The following EIF2AK3 variants were observed in gnomAD, a reference collection of about 807,000 sequenced individuals.
EIF2AK3 encodes the protein eukaryotic translation initiation factor 2-alpha kinase 3.
A neutral mutation model predicts 113.5 loss-of-function variants in EIF2AK3; 50 were observed. The observed-to-expected ratio is 0.44, with a 90% confidence interval of 0.35 to 0.56. The LOEUF is 0.56. EIF2AK3 is among the 20% of genes least tolerant of loss of function. The probability of loss-of-function intolerance (pLI) is 0.00; values close to 1 mark genes in which losing one functional copy is unlikely to be tolerated. For missense variants in EIF2AK3, 1,185 were observed against 1,378.0 expected (o/e 0.86, Z 2.22); for synonymous variants, 448 against 495.4 (o/e 0.90, Z 1.27).
At chr2:88,584,580 T>C (rs1674674315) in intron 9 of EIF2AK3, among the ~76,000 whole-genome samples, 1 of 147,072 alleles carries the variant, frequency 6.8e-6, no homozygotes, top group South Asian at 2.2e-4. Flanking sequence ...AGAGAGAAAT[T>C]AGGAATTACC....
upstream of EIF2AK3, chr2:88,627,992 A>T (rs892331697): frequency 1.3e-5 from 2 of 152,400 alleles, no homozygotes; most frequent in African/African-American, 4.8e-5. Context: ...AGCCTAGTCT[A>T]CTTAGGAAGG....
At chr2:88,565,780 T>C (rs560047038) in intron 14 of EIF2AK3, among the ~76,000 whole-genome samples, 11 of 152,378 alleles carry the variant, frequency 7.2e-5, no homozygotes, top group African/African-American at 2.6e-4. Flanking sequence ...CTAGTCTTTT[T>C]TCCTATAGAT....
chr2:88,627,006 G>T lies in EIF2AK3; in HGVS notation c.269C>A (p.Pro90Gln). 6.2e-7 allele frequency: 1 copy of T among 1,608,426 alleles called. No homozygotes were observed. The highest frequency in any genetic ancestry group is 8.5e-7 in the Non-Finnish European group (1 of 1,178,934). The change falls in exon 1 of 17, where the codon CCG (proline) becomes CAG (glutamine). Residue 90 changes from proline (P) to glutamine (Q), a missense_variant. Physicochemically the swap from Pro to Gln is moderately conservative, Grantham distance 76. Coordinates refer to ENST00000303236, the MANE Select transcript of EIF2AK3 (RefSeq NM_004836.7). Reference protein sequence around the residue: ...AAAGEQEPRGPEPDDETELRP... With the variant: ...AAAGEQEPRGQEPDDETELRP... ...CAACTCTGTCTCATCGTCTGGTTCC[G>T]GACCCCGAGGCTCCTGCTCTCCCGC...
At chr2:88,565,708 AT>A (rs1375603106) in intron 14 of EIF2AK3, among the ~76,000 whole-genome samples, 1 of 152,236 alleles carries the variant, frequency 6.6e-6, no homozygotes, top group East Asian at 1.9e-4. Context: ...TCCAAAATAG[AT>A]TAAAATTCAT....
chr2:88,559,542 G>GTGTA (rs373719647), intron 15 of EIF2AK3, among the ~76,000 whole-genome samples: 38 of 150,206 alleles, frequency 2.5e-4, no homozygotes, highest in South Asian at 1.1e-3. Context: ...GTGTGTGTGT[G>GTGTA]TATGTACATT....
intron 14 of EIF2AK3, 105 bp from the exon 15 acceptor site, chr2:88,562,495 A>G (rs1673992098): frequency 1.1e-6 from 1 of 903,344 alleles, no homozygotes. Context: ...TCTTGGTTTA[A>G]ATGCAAGTAC....
At position 88,627,164 on chromosome 2, in the gene EIF2AK3, T is replaced by C. The variant is rs1675887315; in HGVS notation, c.111A>G (p.Pro37=). The change falls in exon 1 of 17, where the codon CCA becomes CCG. Residue 37 remains proline, a synonymous_variant. Coordinates refer to ENST00000303236, the MANE Select transcript of EIF2AK3 (RefSeq NM_004836.7). ...TVAAGRARGL[P]APTAEAAFGL... Reference sequence around the variant, plus strand: ...CGAACGCCGCCTCCGCCGTCGGCGCTGGGAGGCCACGGGCGCGCCCCGCGG... The same window carrying C: ...CGAACGCCGCCTCCGCCGTCGGCGCCGGGAGGCCACGGGCGCGCCCCGCGG... 1 of 1,441,558 alleles carries C rather than the reference T, an allele frequency of 6.9e-7. No individual in the cohort carries two copies. Among genetic ancestry groups the C allele is most frequent in the African/African-American group, 1.5e-5 (1 of 67,098 alleles). The allele number at this position is 1,441,558 out of a possible 1,614,324, so 89.3% of individuals were successfully genotyped here.
At position 88,627,181 on chromosome 2, in the gene EIF2AK3, G is replaced by T; in HGVS notation, c.94C>A (p.Arg32Ser). 4 of 1,444,648 alleles carry T rather than the reference G, an allele frequency of 2.8e-6. No homozygotes were observed. Among genetic ancestry groups the T allele is most frequent in the Non-Finnish European group, 2.7e-6 (3 of 1,103,540 alleles). The allele number at this position is 1,444,648 out of a possible 1,614,324, so 89.5% of individuals were successfully genotyped here. The change falls in exon 1 of 17, where the codon CGC (arginine) becomes AGC (serine). Residue 32 changes from arginine to serine, a missense_variant. Transcript: ENST00000303236. ...GLAARTVAAGRARGLPAPTAE... is the reference protein window; with the variant it reads ...GLAARTVAAGSARGLPAPTAE... ...GTCGGCGCTGGGAGGCCACGGGCGC[G>T]CCCCGCGGCCACCGTCCTTGCCGCG...
At chr2:88,626,476 TC>T (rs1243085820) in intron 1 of EIF2AK3, among the ~76,000 whole-genome samples, 4 of 152,218 alleles carry the variant, frequency 2.6e-5, no homozygotes, top group African/African-American at 7.2e-5. Flanking sequence ...ATGCAGGTGT[TC>T]CGCAGATCTC....
chr2:88,575,710 A>G (rs1359769729), intron 12 of EIF2AK3: 1 of 467,928 alleles, frequency 2.1e-6, no homozygotes, highest in African/African-American at 2.0e-5. Context: ...CAGAGCAGCC[A>G]AAGCCTTTTA....
At chr2:88,608,634 G>A (rs902733349) in intron 2 of EIF2AK3, among the ~76,000 whole-genome samples, 1 of 150,550 alleles carries the variant, frequency 6.6e-6, no homozygotes, top group Non-Finnish European at 1.5e-5. Context: ...TGCACCAGAT[G>A]CATTTTGAAG....
intron 6 of EIF2AK3, among the ~76,000 whole-genome samples, chr2:88,589,388 T>C (rs1158413172): frequency 2.0e-5 from 3 of 152,144 alleles, no homozygotes; most frequent in Non-Finnish European, 4.4e-5. Context: ...TTTATGAGTA[T>C]TTGATGATGC....
At chr2:88,564,043 A>G (rs1674036563) in intron 14 of EIF2AK3, among the ~76,000 whole-genome samples, 1 of 152,216 alleles carries the variant, frequency 6.6e-6, no homozygotes, top group South Asian at 2.1e-4. Flanking sequence ...AAAGAAATGT[A>G]GCCTCATGAA....
At chr2:88,616,602 T>G (rs578224924) in intron 1 of EIF2AK3, among the ~76,000 whole-genome samples, 1 of 152,088 alleles carries the variant, frequency 6.6e-6, no homozygotes, top group South Asian at 2.1e-4. Flanking sequence ...AATTTTTATA[T>G]TTTTAGTAGA....
rs1293112255 is a variant in EIF2AK3 at position 88,610,768 on chromosome 2, T to G, written c.438+2956A>C. ...ATAAAATACATGTTTTTTAAACATT[T>G]GTTTTAGGCTGGTCGTGGTGGCTTA... On this transcript the variant is annotated intron_variant, in intron 2 of 16. Transcript: ENST00000303236. 2.0e-5 allele frequency among the ~76,000 whole-genome samples: 3 copies of G among 152,322 alleles called. No individual in the cohort carries two copies. In the East Asian group the frequency reaches 5.8e-4, roughly 29 times the overall value.
At position 88,557,789 on chromosome 2, in the gene EIF2AK3, T is replaced by C; in HGVS notation, c.3298A>G (p.Thr1100Ala). 6.2e-7 allele frequency: 1 copy of C among 1,614,184 alleles called. No individual in the cohort carries two copies. Among genetic ancestry groups the C allele is most frequent in the Non-Finnish European group, 8.5e-7 (1 of 1,179,996 alleles). Residue 1100 changes from threonine to alanine, a missense_variant, in exon 17 of 17, where the codon ACA becomes GCA. By Grantham distance (58) the Thr-to-Ala change is moderately conservative. Transcript: ENST00000303236. ...TTGTTGGACTGTCTTGAATGTTTTG[T>C]TCCCGATGAACTCAAGGAGCGAGAC... The part of the protein sequence containing the change: ...QRSRSLSSSG[T>A]KHSRQSNNSH...
chr2:88,599,630 T>C (rs1333077095), intron 2 of EIF2AK3, among the ~76,000 whole-genome samples: 1 of 151,978 alleles, frequency 6.6e-6, no homozygotes, highest in African/African-American at 2.4e-5. Flanking sequence ...ATCTCAACAG[T>C]AGTATTAGGT....
chr2:88,622,475 C>A (rs958549829), intron 1 of EIF2AK3, among the ~76,000 whole-genome samples: 1 of 152,206 alleles, frequency 6.6e-6, no homozygotes, highest in Non-Finnish European at 1.5e-5. Context: ...CTGGAAGATG[C>A]CTATGAATGC....
chr2:88,590,285 G>A (rs1674849397), intron 6 of EIF2AK3, among the ~76,000 whole-genome samples, 158 bp downstream of exon 6: 1 of 152,090 alleles, frequency 6.6e-6, no homozygotes, highest in Non-Finnish European at 1.5e-5. Flanking sequence ...AAAGTAGCAG[G>A]AATGGAAATC....
Sources: allele counts gnomAD v4.1 joint callset (sites outside exome capture counted in the v4.1 genomes callset), GRCh38; gene constraint gnomAD v4.1.1; transcripts MANE v1.5; gene names NCBI Gene and HGNC (gene_info 2026-07-23, HGNC 2026-07-21).